NELFA: variants seen among roughly 807,000 people sequenced by gnomAD.
The protein encoded by NELFA is negative elongation factor A.
A neutral mutation model predicts 51.8 loss-of-function variants in NELFA; 35 were observed. That is an observed-to-expected ratio of 0.68 (90% CI 0.52 to 0.90). The LOEUF is 0.90. Ranked by LOEUF, NELFA falls within the 40% of genes least tolerant of loss-of-function variation. The pLI is 0.00. For synonymous variants in NELFA, 417 were observed against 338.4 expected (o/e 1.23, Z -2.55); for missense variants, 658 against 746.4 (o/e 0.88, Z 1.38).
At chr4:2,005,194 G>C (rs1441798941) in intron 1 of NELFA, among the ~76,000 whole-genome samples, 1 of 151,924 alleles carries the variant, frequency 6.6e-6, no homozygotes, top group Admixed American at 6.6e-5. Context: ...TAGATAAAGG[G>C]TATTTATTAA....
intron 2 of NELFA, among the ~76,000 whole-genome samples, chr4:1,991,088 G>A (rs759214026): frequency 5.3e-5 from 8 of 152,178 alleles, no homozygotes; most frequent in Non-Finnish European, 8.8e-5. Flanking sequence ...AGTGAGCCAC[G>A]GAGCCCAGCC....
intron 4 of NELFA, 24 bp from the exon 5 acceptor site, chr4:1,986,426 C>A (rs537205291): frequency 1.2e-6 from 2 of 1,612,274 alleles, no homozygotes; most frequent in Non-Finnish European, 1.7e-6. Flanking sequence ...ACAGTCAGGG[C>A]GCCAGCAGCA....
chr4:1,983,435 T>C lies in NELFA; in HGVS notation c.1471A>G (p.Lys491Glu), dbSNP rs1727960370. Residue 491 changes from lysine (K) to glutamate (E), a missense_variant, in exon 11 of 11, where the codon AAG becomes GAG. Lys to Glu is a moderately conservative substitution (Grantham distance 56, BLOSUM62 1). Around this residue, in one of 3 missense-constraint regions of NELFA, gnomAD observed 87 missense variants for 130.2 expected, o/e 0.67. Transcript: ENST00000382882. ...GTTGTGCTACCCTGGCCGTCCGCCT[T>C]GGGCAGGTCCTCCGTGTGCTCGCTC... ...KLSEHTEDLP[K>E]ADGQGSTTML... is the part of the protein sequence containing the mutation. 6.2e-7 allele frequency: 1 copy of C among 1,614,086 alleles called. No individual in the cohort carries two copies.
chr4:1,990,003 G>T, intron 2 of NELFA, 134 bp from the exon 3 acceptor site: 1 of 1,031,104 alleles, frequency 9.7e-7, no homozygotes, highest in Non-Finnish European at 1.4e-6. Flanking sequence ...GTCCCCTGAG[G>T]TCCTCGAGAC....
chr4:1,992,949 G>C (rs1289517104), intron 1 of NELFA, among the ~76,000 whole-genome samples: 1 of 152,200 alleles, frequency 6.6e-6, no homozygotes, highest in East Asian at 1.9e-4. Flanking sequence ...CCCGGCCGCT[G>C]ACCCTGCGCC....
intron 8 of NELFA, among the ~76,000 whole-genome samples, chr4:1,984,387 G>A (rs1010437176): frequency 4.6e-5 from 7 of 152,178 alleles, no homozygotes; most frequent in Admixed American, 1.3e-4. Flanking sequence ...GGCACTGCTG[G>A]GAAGACAGGA....
chr4:1,998,981 T>C (rs1728502391), intron 1 of NELFA, among the ~76,000 whole-genome samples: 2 of 152,186 alleles, frequency 1.3e-5, no homozygotes, highest in South Asian at 2.1e-4. Context: ...CAGAAGAGTT[T>C]GGGGGCCAAT....
intron 4 of NELFA, 125 bp downstream of exon 4, chr4:1,987,793 C>T: frequency 1.2e-6 from 1 of 806,732 alleles, no homozygotes; most frequent in Non-Finnish European, 1.9e-6. Flanking sequence ...TTCCCACGGG[C>T]TCCCAACACT....
In NELFA at chr4:1,983,848, C is replaced by A; in HGVS notation, c.1302G>T (p.Thr434=). 1 of 1,571,882 alleles carries A rather than the reference C, an allele frequency of 6.4e-7. No individual in the cohort carries two copies. Among genetic ancestry groups the A allele is most frequent in the Non-Finnish European group, 8.6e-7 (1 of 1,158,420 alleles). The part of the protein sequence containing the change: ...QQQPKKNLSL[T]REQMFAAQEM... ...GTGGGCCCTACCAGTGTACACCTACCGTGAGGGACAGGTTCTTCTTAGGCT... is the reference window on the plus strand; with the variant it reads ...GTGGGCCCTACCAGTGTACACCTACAGTGAGGGACAGGTTCTTCTTAGGCT... Residue 434 remains threonine (T), a splice_region_variant and synonymous_variant, in exon 9 of 11, where the codon ACG becomes ACT. Transcript: ENST00000382882.
At chr4:2,001,752 A>G (rs1728570886) in intron 1 of NELFA, among the ~76,000 whole-genome samples, 1 of 151,746 alleles carries the variant, frequency 6.6e-6, no homozygotes, top group Non-Finnish European at 1.5e-5. Flanking sequence ...AAAATACACA[A>G]ATTAGCCGGG....
At chr4:2,007,467 G>A (rs184633792) in intron 1 of NELFA, among the ~76,000 whole-genome samples, 1 of 152,322 alleles carries the variant, frequency 6.6e-6, no homozygotes, top group Admixed American at 6.5e-5. Flanking sequence ...GCAGTCAGCT[G>A]CAACGTGGAT....
chr4:1,987,556 G>C (rs1368589012), intron 4 of NELFA: 1 of 222,310 alleles, frequency 4.5e-6, no homozygotes, highest in Non-Finnish European at 8.8e-6. Flanking sequence ...CCCGAGCTGG[G>C]AAGGCCGAGA....
At chr4:2,007,321 C>T (rs939687609) in intron 1 of NELFA, 4 of 185,672 alleles carry the variant, frequency 2.2e-5, no homozygotes, top group Middle Eastern at 4.9e-4. Flanking sequence ...AGATTCCAAA[C>T]ACCTGAACAT....
In NELFA at chr4:1,991,713, C is replaced by T. The variant is rs1728274398; in HGVS notation, c.213G>A (p.Met71Ile). ...LHLPRRTVDEMKGALMEIIQL... is the reference protein window; with the variant it reads ...LHLPRRTVDEIKGALMEIIQL... The stretch of plus-strand genomic sequence containing the variant: ...GGATGATCTCCATTAGGGCGCCCTT[C>T]ATCTGCAAAATAGGATGCTGCCGGC... The change falls in exon 2 of 11, where the codon ATG (methionine) becomes ATA (isoleucine). Residue 71 changes from methionine (M) to isoleucine (I), a missense_variant and splice_region_variant. Coordinates refer to ENST00000382882, the MANE Select transcript of NELFA (RefSeq NM_005663.5). 4 of 1,592,856 alleles carry T rather than the reference C, an allele frequency of 2.5e-6. No individual in the cohort carries two copies. Among genetic ancestry groups the T allele is most frequent in the Non-Finnish European group, 3.4e-6 (4 of 1,171,020 alleles).
intron 1 of NELFA, among the ~76,000 whole-genome samples, chr4:2,002,355 AT>A (rs1270873393): frequency 6.6e-6 from 1 of 152,232 alleles, no homozygotes; most frequent in African/African-American, 2.4e-5. Context: ...TACCATTGAC[AT>A]TCTTCACAGA....
intron 6 of NELFA, 45 bp from the exon 7 acceptor site, chr4:1,985,909 C>A: frequency 6.6e-7 from 1 of 1,523,418 alleles, no homozygotes; most frequent in Non-Finnish European, 9.0e-7. Context: ...GGCGCGTCTG[C>A]AGTGTCAGCT....
intron 4 of NELFA, among the ~76,000 whole-genome samples, chr4:1,986,822 CGCCCACACGCACCCTCCAAGGCGTGCGTG>C (rs1176541982): frequency 6.6e-6 from 1 of 152,184 alleles, no homozygotes; most frequent in African/African-American, 2.4e-5. Context: ...TACCCACCAG[CGCCCACACGCACCCTCCAAGGCGTGCGTG>C]GCTCTCATGG....
At chr4:1,992,986 C>T (rs1488188908) in intron 1 of NELFA, among the ~76,000 whole-genome samples, 1 of 152,200 alleles carries the variant, frequency 6.6e-6, no homozygotes, top group African/African-American at 2.4e-5. Flanking sequence ...GACGCCCGCC[C>T]GAGCTGAGTG....
chr4:1,991,013 G>A (rs1728254012), intron 2 of NELFA, among the ~76,000 whole-genome samples: 1 of 152,118 alleles, frequency 6.6e-6, no homozygotes, highest in African/African-American at 2.4e-5. Flanking sequence ...TTCCCAGGCT[G>A]GTCTCGAACT....
Sources: gnomAD v4.1 joint callset for allele counts (sites outside exome capture counted in the v4.1 genomes callset) on GRCh38, gnomAD v4.1.1 for gene constraint, gnomAD v4.1.1 regional missense constraint, MANE v1.5 for transcripts, NCBI Gene and HGNC (gene_info 2026-07-23, HGNC 2026-07-21) for gene names.